SLC8A1: variants seen among roughly 807,000 people sequenced by gnomAD.
SLC8A1 encodes sodium/calcium exchanger 1.
A neutral mutation model predicts 68.3 loss-of-function variants in SLC8A1; 18 were observed. The observed-to-expected ratio is 0.26, with a 90% CI of 0.18 to 0.39. SLC8A1 has a LOEUF of 0.39. Among genes scored for constraint, SLC8A1 ranks in the 10% least tolerant of loss-of-function variants. The pLI is 1.00. For missense variants in SLC8A1, 985 were observed against 1,156.7 expected (o/e 0.85, Z 2.15); for synonymous variants, 475 against 415.5 (o/e 1.14, Z -1.74).
At chr2:40,368,138 T>C (rs1370920797) in intron 2 of SLC8A1, among the ~76,000 whole-genome samples, 1 of 152,070 alleles carries the variant, frequency 6.6e-6, no homozygotes, top group Non-Finnish European at 1.5e-5. Context: ...ATAAAAACGT[T>C]AAAGATACTA....
intron 2 of SLC8A1, among the ~76,000 whole-genome samples, chr2:40,242,268 A>G (rs898081114): frequency 6.6e-6 from 1 of 152,212 alleles, no homozygotes; most frequent in African/African-American, 2.4e-5. Flanking sequence ...GTTTAAGTAA[A>G]GCCTGTTTAG....
At chr2:40,389,098 A>AGT (rs3060358) in intron 2 of SLC8A1, among the ~76,000 whole-genome samples, 58,188 of 151,712 alleles carry the variant, frequency 0.38, 11,979 homozygotes, top group Non-Finnish European at 0.46. Flanking sequence ...CATATATTTG[A>AGT]GTGTGTGTGT....
intron 2 of SLC8A1, among the ~76,000 whole-genome samples, chr2:40,360,074 T>C (rs1189477807): frequency 1.3e-5 from 2 of 152,212 alleles, no homozygotes; most frequent in Non-Finnish European, 2.9e-5. Context: ...TTAATTTATT[T>C]AATCATCCCA....
At chr2:40,304,690 C>T (rs1210055077) in intron 2 of SLC8A1, among the ~76,000 whole-genome samples, 1 of 152,152 alleles carries the variant, frequency 6.6e-6, no homozygotes, top group Non-Finnish European at 1.5e-5. Flanking sequence ...GCCTCATGTG[C>T]TGCCGTGTCT....
chr2:40,271,616 A>G (rs1244189347), intron 2 of SLC8A1, among the ~76,000 whole-genome samples: 1 of 152,154 alleles, frequency 6.6e-6, no homozygotes, highest in Non-Finnish European at 1.5e-5. Context: ...GCAGAAGAAA[A>G]AGTTTCTTTA....
chr2:40,470,153 TAA>T (rs1559753312), intron 1 of SLC8A1, among the ~76,000 whole-genome samples: 2 of 152,132 alleles, frequency 1.3e-5, no homozygotes, highest in African/African-American at 4.8e-5. Context: ...ATCCACATTT[TAA>T]TGTATCTTTT....
chr2:40,272,216 C>T (rs1017242971), intron 2 of SLC8A1, among the ~76,000 whole-genome samples: 4 of 152,056 alleles, frequency 2.6e-5, no homozygotes, highest in African/African-American at 9.7e-5. Flanking sequence ...CTCCTTTGTT[C>T]TTATTCATTT....
At chr2:40,457,031 C>G (rs942853582), upstream of SLC8A1, among the ~76,000 whole-genome samples, 2 of 152,098 alleles carry the variant, frequency 1.3e-5, no homozygotes, top group East Asian at 1.9e-4. Context: ...TAATTCTGTT[C>G]CCTTATGTCT....
intron 1 of SLC8A1, among the ~76,000 whole-genome samples, chr2:40,479,662 G>A (rs899009089): frequency 2.6e-5 from 4 of 152,190 alleles, no homozygotes; most frequent in South Asian, 2.1e-4. Context: ...TTAAAATACC[G>A]GTTTTATCTC....
chr2:40,259,255 G>T (rs2064362019), intron 2 of SLC8A1, among the ~76,000 whole-genome samples: 2 of 104,284 alleles, frequency 1.9e-5, no homozygotes, highest in Admixed American at 1.3e-4. Context: ...GGAGATAATA[G>T]AAGCCTTCCA....
At chr2:40,463,140 A>C (rs1026900892) in intron 1 of SLC8A1, among the ~76,000 whole-genome samples, 1 of 152,160 alleles carries the variant, frequency 6.6e-6, no homozygotes, top group Non-Finnish European at 1.5e-5. Context: ...TTTCTAAGAG[A>C]GAGAGCTAAC....
intron 1 of SLC8A1, among the ~76,000 whole-genome samples, chr2:40,490,365 G>T (rs1705233261): frequency 6.6e-6 from 1 of 152,086 alleles, no homozygotes; most frequent in African/African-American, 2.4e-5. Context: ...TTGTCATATA[G>T]CTTTCAGATC....
intron 2 of SLC8A1, among the ~76,000 whole-genome samples, chr2:40,424,395 T>C (rs944379560): frequency 3.3e-5 from 5 of 151,718 alleles, no homozygotes; most frequent in African/African-American, 1.2e-4. Flanking sequence ...GTCCCATAAA[T>C]AGCAAAAACA....
chr2:40,153,542 C>T (rs2043855143), intron 6 of SLC8A1, among the ~76,000 whole-genome samples: 1 of 152,202 alleles, frequency 6.6e-6, no homozygotes, highest in African/African-American at 2.4e-5. Context: ...CAGTGTTGCT[C>T]ATATCTCCTG....
chr2:40,107,296 A>AAAAAAAAAG (rs1558384318), exon 8 of SLC8A1: 1 of 135,244 alleles, frequency 7.4e-6, no homozygotes, highest in African/African-American at 2.5e-5. Context: ...AAAAAAAAAA[A>AAAAAAAAAG]AAAGAAAATG....
chr2:40,462,790 G>C (rs1298738399), intron 1 of SLC8A1, among the ~76,000 whole-genome samples: 1 of 152,020 alleles, frequency 6.6e-6, no homozygotes, highest in Non-Finnish European at 1.5e-5. Flanking sequence ...CTGGGTGATA[G>C]AGTGAGACTC....
At chr2:40,368,558 CTT>C (rs1676997701) in intron 2 of SLC8A1, among the ~76,000 whole-genome samples, 1 of 151,948 alleles carries the variant, frequency 6.6e-6, no homozygotes, top group Non-Finnish European at 1.5e-5. Flanking sequence ...TTATCTTCCT[CTT>C]ATTAAAATTG....
intron 2 of SLC8A1, among the ~76,000 whole-genome samples, chr2:40,328,123 C>T (rs983423937): frequency 1.3e-5 from 2 of 152,006 alleles, no homozygotes; most frequent in Non-Finnish European, 2.9e-5. Flanking sequence ...TTGGGATATT[C>T]TGAGGTTTGG....
intron 2 of SLC8A1, among the ~76,000 whole-genome samples, chr2:40,418,925 C>A (rs550153817): frequency 7.2e-4 from 109 of 152,272 alleles, no homozygotes; most frequent in South Asian, 1.9e-3. Context: ...ACTGACAGCT[C>A]ATCATCATTT....
Sources: gnomAD v4.1 joint callset for allele counts (sites outside exome capture counted in the v4.1 genomes callset) on GRCh38, gnomAD v4.1.1 for gene constraint, MANE v1.5 for transcripts, NCBI Gene and HGNC (gene_info 2026-07-23, HGNC 2026-07-21) for gene names.